NAV2: variants seen among roughly 807,000 people sequenced by gnomAD.
NAV2 encodes neuron navigator 2, also known as helicase, APC down-regulated 1.
A neutral mutation model predicts 223.2 loss-of-function variants in NAV2; 54 were observed. That is an observed-to-expected ratio of 0.24 (90% CI 0.19 to 0.30). NAV2 has a LOEUF of 0.30. Among genes scored for constraint, NAV2 ranks in the 10% least tolerant of loss-of-function variants. The pLI is 1.00. For missense variants in NAV2, 2,806 were observed against 3,147.5 expected, an observed-to-expected ratio of 0.89 and a Z score of 2.60; for synonymous variants, 1,279 against 1,239.3, an observed-to-expected ratio of 1.03 and a Z score of -0.67.
In NAV2 at chr11:19,450,615, A is replaced by C. The variant is rs142439055; in HGVS notation, c.75+99588A>C. On this transcript the variant is annotated intron_variant, in intron 1 of 37. Coordinates refer to the NAV2 transcript ENST00000360655. The stretch of plus-strand genomic sequence containing the variant: ...TGTCCTATTAATAAAAATATCAGAA[A>C]CCACACATGTATAGTTTCACTTTGA... Among the ~76,000 whole-genome samples the C allele has an allele frequency of 4.3e-3, 659 of 152,276 alleles. 5 individuals carry two copies. The highest frequency in any genetic ancestry group is 0.015 in the African/African-American group (631 of 41,552).
At chr11:19,896,156 G>C (rs189777103) in intron 6 of NAV2, among the ~76,000 whole-genome samples, 1 of 152,284 alleles carries the variant, frequency 6.6e-6, no homozygotes, top group African/African-American at 2.4e-5. Context: ...CCAATTCATA[G>C]ACTACTTTTT....
intron 1 of NAV2, among the ~76,000 whole-genome samples, chr11:19,454,613 T>C (rs1851898823): frequency 6.6e-6 from 1 of 152,168 alleles, no homozygotes; most frequent in Non-Finnish European, 1.5e-5. Flanking sequence ...TGTGCTGAGC[T>C]GGGAGGCAAG....
intron 10 of NAV2, among the ~76,000 whole-genome samples, chr11:19,959,629 A>G (rs974864472): frequency 1.3e-5 from 2 of 152,226 alleles, no homozygotes; most frequent in Non-Finnish European, 2.9e-5. Flanking sequence ...TCAATCTGAT[A>G]TAACCAAATT....
At chr11:19,903,899 G>A (rs2042651618) in intron 6 of NAV2, among the ~76,000 whole-genome samples, 1 of 152,180 alleles carries the variant, frequency 6.6e-6, no homozygotes, top group South Asian at 2.1e-4. Context: ...AACCCACAGT[G>A]TGGGTGTGAT....
intron 1 of NAV2, among the ~76,000 whole-genome samples, chr11:19,403,545 G>C (rs2702676): frequency 6.6e-6 from 1 of 152,136 alleles, no homozygotes; most frequent in African/African-American, 2.4e-5. Flanking sequence ...GGCATGTAGC[G>C]GCACACGATG....
Position 19,843,569 on chromosome 11 carries a change from C to T in NAV2, c.438+646C>T, listed in dbSNP as rs74575345. On this transcript the variant is annotated intron_variant, in intron 3 of 37. Transcript: ENST00000349880. The stretch of plus-strand genomic sequence containing the variant: ...ACATAATCTTTGAATTAAAATTTAT[C>T]GTCATTGTTGAGTTCAGAAAACATT... Among the ~76,000 whole-genome samples, 694 of 152,208 alleles carry T rather than the reference C, an allele frequency of 4.6e-3. 5 individuals carry two copies. Among genetic ancestry groups the T allele is most frequent in the African/African-American group, 0.016 (663 of 41,522 alleles).
chr11:19,848,105 A>C (rs2060905857), intron 3 of NAV2, among the ~76,000 whole-genome samples: 1 of 152,200 alleles, frequency 6.6e-6, no homozygotes, highest in Non-Finnish European at 1.5e-5. Flanking sequence ...CATAGAGCAC[A>C]GCCCTTCTTC....
In NAV2 at chr11:19,695,935, C is replaced by CT. The variant is rs79968487; in HGVS notation, c.76-136537dup. Among the ~76,000 whole-genome samples, 307 of 41,114 alleles carry CT rather than the reference C, an allele frequency of 7.5e-3. No individual in the cohort carries two copies. In the Middle Eastern group the frequency reaches 0.12, roughly 17 times the overall value. 27.0% of individuals were successfully genotyped at this position (41,114 alleles called of 152,430 possible). ...TAAAATAAAGACACTAGATGACCTG[C>CT]TTTTTTTTTTTTCTAATCCTGACTA... is the stretch of plus-strand genomic sequence containing the variant. On this transcript the variant is annotated intron_variant, in intron 1 of 37. Transcript: ENST00000360655.
rs540123873 is a variant in NAV2, at chr11:19,376,284, C to A, written c.75+25257C>A. Among the ~76,000 whole-genome samples, 15 of 152,152 alleles carry A rather than the reference C, an allele frequency of 9.9e-5. No individual in the cohort carries two copies. The South Asian group carries it at 2.9e-3, about 30-fold the overall frequency. ...TGGATTTAAAAAACAAACAAACAAA[C>A]AAAAAAACAATTGCTGGTGAAGCAT... is the stretch of plus-strand genomic sequence containing the variant. On this transcript the variant is annotated intron_variant, in intron 1 of 37. Transcript: ENST00000360655.
At chr11:20,068,847 T>G (rs2059215141) in intron 22 of NAV2, among the ~76,000 whole-genome samples, 1 of 152,224 alleles carries the variant, frequency 6.6e-6, no homozygotes, top group East Asian at 1.9e-4. Flanking sequence ...GTTTAGGAGA[T>G]GCTGCCAACC....
At chr11:19,670,768 G>T (rs1405309320) in intron 1 of NAV2, among the ~76,000 whole-genome samples, 1 of 152,216 alleles carries the variant, frequency 6.6e-6, no homozygotes, top group Non-Finnish European at 1.5e-5. Flanking sequence ...CAGCTTGCGG[G>T]CACCTCTGAG....
intron 6 of NAV2, among the ~76,000 whole-genome samples, chr11:19,913,753 G>A (rs78565078): frequency 2.6e-5 from 4 of 151,924 alleles, no homozygotes; most frequent in African/African-American, 4.8e-5. Flanking sequence ...TTCCTCCATC[G>A]CAGTGCTTCC....
chr11:19,463,955 G>A (rs569036164), intron 1 of NAV2, among the ~76,000 whole-genome samples: 17 of 152,300 alleles, frequency 1.1e-4, no homozygotes, highest in African/African-American at 2.9e-4. Context: ...TGCTGCACCC[G>A]GAAAGAAGGT....
chr11:19,464,637 ATGTGGT>A (rs1852285467), intron 1 of NAV2, among the ~76,000 whole-genome samples: 1 of 152,054 alleles, frequency 6.6e-6, no homozygotes, highest in African/African-American at 2.4e-5. Flanking sequence ...TGCCCAGGAG[ATGTGGT>A]TCATAGGGAT....
intron 1 of NAV2, among the ~76,000 whole-genome samples, chr11:19,599,487 G>A (rs147687152): frequency 2.6e-5 from 4 of 152,324 alleles, no homozygotes; most frequent in East Asian, 1.9e-4. Context: ...ACACAAAGGC[G>A]TTCTTTGAAG....
intron 1 of NAV2, among the ~76,000 whole-genome samples, chr11:19,359,787 CAG>C (rs1360755442): frequency 6.6e-6 from 1 of 152,196 alleles, no homozygotes; most frequent in Non-Finnish European, 1.5e-5. Flanking sequence ...TTCAGGAAAT[CAG>C]GGGCTCAAGA....
intron 15 of NAV2, among the ~76,000 whole-genome samples, chr11:20,049,575 T>G (rs1459556672): frequency 6.6e-6 from 1 of 151,930 alleles, no homozygotes; most frequent in East Asian, 2.0e-4. Context: ...GAGTGTTTAG[T>G]AGGATGCTCT....
rs1193322017 is a variant in NAV2, at chr11:19,934,178, CCCAGA to C, written c.1938_1942del (p.Gln646HisfsTer37). 1 of 1,613,970 alleles carries C rather than the reference CCCAGA, an allele frequency of 6.2e-7. No individual in the cohort carries two copies. The highest frequency in any genetic ancestry group is 8.5e-7 in the Non-Finnish European group (1 of 1,180,024). ...ACTGTCAGTGGGTCTGTCGGGACCA[CCCAGA>C]CCACAGGAAGCAATACCGTCAGTGT... On this transcript the variant is annotated frameshift_variant, in exon 7 of 38. Coordinates refer to ENST00000349880, the MANE Select transcript of NAV2 (RefSeq NM_145117.5). LOFTEE classifies it high-confidence loss of function.
intron 2 of NAV2, among the ~76,000 whole-genome samples, chr11:19,838,949 T>C (rs1040610240): frequency 3.7e-4 from 56 of 152,190 alleles, no homozygotes; most frequent in African/African-American, 1.2e-3. Flanking sequence ...TGCGCTGTTC[T>C]TAAGTCTTCA....
Sources: gnomAD v4.1 joint callset for allele counts (sites outside exome capture counted in the v4.1 genomes callset) on GRCh38, gnomAD v4.1.1 for gene constraint, MANE v1.5 for transcripts, NCBI Gene and HGNC (gene_info 2026-07-23, HGNC 2026-07-21) for gene names.